The following AK5 variants were observed in gnomAD, a reference collection of about 807,000 sequenced individuals.
AK5 encodes the protein adenylate kinase 5.
AK5 carries 27 observed loss-of-function variants against 69.5 expected under a neutral mutation model. The observed-to-expected ratio is 0.39, with a 90% confidence interval of 0.29 to 0.54. The LOEUF is 0.54. Among genes scored for constraint, AK5 ranks in the 20% least tolerant of loss-of-function variants. The pLI, the probability that AK5 is intolerant of heterozygous loss-of-function variation, is 0.71. For missense variants in AK5, 531 were observed against 700.4 expected (o/e 0.76, Z 2.73); for synonymous variants, 260 against 244.4 (o/e 1.06, Z -0.60).
At chr1:77,362,044 G>A (rs1197409708) in intron 6 of AK5, among the ~76,000 whole-genome samples, 1 of 152,144 alleles carries the variant, frequency 6.6e-6, no homozygotes, top group Non-Finnish European at 1.5e-5. Context: ...CCATCTCATA[G>A]AGTTGTTGAG....
intron 3 of AK5, among the ~76,000 whole-genome samples, chr1:77,296,646 C>A (rs1021863617): frequency 3.3e-5 from 5 of 152,052 alleles, no homozygotes; most frequent in Non-Finnish European, 7.4e-5. Context: ...AGGAATAAAT[C>A]AGTTTGAATT....
At chr1:77,320,604 C>T (rs1383722996) in intron 5 of AK5, among the ~76,000 whole-genome samples, 3 of 151,876 alleles carry the variant, frequency 2.0e-5, no homozygotes, top group Non-Finnish European at 4.4e-5. Flanking sequence ...CAAAAATTAG[C>T]CAGGTATGGT....
intron 1 of AK5, 68 bp downstream of exon 1, chr1:77,282,441 AGCCGC>A: frequency 6.7e-7 from 1 of 1,503,616 alleles, no homozygotes; most frequent in Non-Finnish European, 8.9e-7. Flanking sequence ...GGGTTGAGGC[AGCCGC>A]GCCCCGTCCC....
intron 5 of AK5, among the ~76,000 whole-genome samples, chr1:77,308,670 G>A (rs1431689617): frequency 6.6e-6 from 1 of 152,030 alleles, no homozygotes; most frequent in East Asian, 1.9e-4. Flanking sequence ...ATGGGAGTGG[G>A]GCGAAAAGGT....
At chr1:77,509,796 T>C (rs910543876) in intron 10 of AK5, among the ~76,000 whole-genome samples, 3 of 152,202 alleles carry the variant, frequency 2.0e-5, no homozygotes, top group African/African-American at 7.2e-5. Context: ...TGTAAGCTCA[T>C]GGAATTTTAC....
At chr1:77,506,391 G>A (rs1185101652) in intron 10 of AK5, among the ~76,000 whole-genome samples, 5 of 152,114 alleles carry the variant, frequency 3.3e-5, no homozygotes, top group African/African-American at 9.7e-5. Flanking sequence ...GTTCAGAGAT[G>A]GGGGTAGGGT....
intron 10 of AK5, among the ~76,000 whole-genome samples, chr1:77,493,309 C>T (rs993179037): frequency 2.0e-5 from 3 of 149,632 alleles, no homozygotes; most frequent in African/African-American, 7.4e-5. Context: ...CCATTTTCTC[C>T]TGCCCTTGGA....
At position 77,320,340 on chromosome 1, in the gene AK5, A is replaced by G. The variant is rs377575112; in HGVS notation, c.700-20037A>G. Reference sequence around the variant, plus strand: ...AAACCGTATTGGAAGGATTTCTACCATAACGGAAAGATTAAAATGGGATTT... The same window carrying G: ...AAACCGTATTGGAAGGATTTCTACCGTAACGGAAAGATTAAAATGGGATTT... On this transcript the variant is annotated intron_variant, in intron 5 of 13. Coordinates refer to ENST00000354567, the MANE Select transcript of AK5 (RefSeq NM_174858.3). 4.6e-5 allele frequency among the ~76,000 whole-genome samples: 7 copies of G among 152,234 alleles called. No individual in the cohort carries two copies. In the East Asian group the frequency reaches 9.6e-4, roughly 21 times the overall value.
intron 6 of AK5, among the ~76,000 whole-genome samples, chr1:77,357,610 T>G (rs1451724705): frequency 6.6e-6 from 1 of 152,206 alleles, no homozygotes; most frequent in Non-Finnish European, 1.5e-5. Context: ...TGATCAATTC[T>G]CTTCTACTGC....
chr1:77,340,750 A>T (rs75763738), intron 6 of AK5, 182 bp downstream of exon 6: 4 of 20,010 alleles, frequency 2.0e-4, no homozygotes, highest in African/African-American at 3.0e-4. Flanking sequence ...ATGTTTTTTT[A>T]AAAAAACTTT....
intron 5 of AK5, 84 bp downstream of exon 5, chr1:77,298,031 T>C: frequency 2.1e-6 from 2 of 936,808 alleles, no homozygotes; most frequent in Non-Finnish European, 1.6e-6. Context: ...CTTGGAAGAC[T>C]TGCGATGCTT....
intron 8 of AK5, among the ~76,000 whole-genome samples, chr1:77,469,487 C>T (rs2100691765): frequency 6.6e-6 from 1 of 152,348 alleles, no homozygotes; most frequent in East Asian, 1.9e-4. Flanking sequence ...AGCCTGCCCA[C>T]CTGCCTTATG....
Position 77,289,190 on chromosome 1 carries a change from G to A in AK5, c.247+2063G>A, listed in dbSNP as rs971853332. On this transcript the variant is annotated intron_variant, in intron 2 of 13. Transcript: ENST00000354567. ...CACGAGTAGCAAATGAGCAGAATTG[G>A]AGTTTAGGACTCCAAACTGTGCAGA... Among the ~76,000 whole-genome samples, 9 of 152,156 alleles carry A rather than the reference G, an allele frequency of 5.9e-5. No homozygotes were observed. In the South Asian group the frequency reaches 1.9e-3, roughly 32 times the overall value.
chr1:77,391,519 A>ATATATATATATATATG (rs1648481862), intron 6 of AK5, among the ~76,000 whole-genome samples: 2 of 126,680 alleles, frequency 1.6e-5, no homozygotes, highest in African/African-American at 5.9e-5. Flanking sequence ...ATATATATAT[A>ATATATATATATATATG]TATATATATC....
At chr1:77,544,475 C>T (rs1455407472) in intron 13 of AK5, among the ~76,000 whole-genome samples, 2 of 151,934 alleles carry the variant, frequency 1.3e-5, no homozygotes, top group Admixed American at 6.6e-5. Flanking sequence ...ATTGTACAGA[C>T]GTACATAAAT....
intron 13 of AK5, among the ~76,000 whole-genome samples, chr1:77,539,870 G>C (rs1659176544): frequency 6.6e-6 from 1 of 152,138 alleles, no homozygotes; most frequent in Admixed American, 6.5e-5. Context: ...AGGACCTCTG[G>C]GTCACTTAAG....
rs141488367 is a variant in AK5 at position 77,552,869 on chromosome 1, C to T, written c.1621-5733C>T. Among the ~76,000 whole-genome samples the T allele has an allele frequency of 1.5e-3, 227 of 152,276 alleles. 1 individual carries two copies. Among genetic ancestry groups the T allele is most frequent in the African/African-American group, 5.1e-3 (212 of 41,550 alleles). On this transcript the variant is annotated intron_variant, in intron 13 of 13. Coordinates refer to ENST00000354567, the MANE Select transcript of AK5 (RefSeq NM_174858.3). The stretch of plus-strand genomic sequence containing the variant: ...CCTGGGCAACATAGCAAGACCCCAT[C>T]TCTACAAAAACATACAAAAAATTAG...
At chr1:77,459,188 T>C (rs1199394395) in intron 8 of AK5, among the ~76,000 whole-genome samples, 1 of 152,212 alleles carries the variant, frequency 6.6e-6, no homozygotes, top group African/African-American at 2.4e-5. Flanking sequence ...ATCTTATTTT[T>C]AAATAGATCT....
At chr1:77,502,634 G>T (rs530679133) in intron 10 of AK5, among the ~76,000 whole-genome samples, 92 of 152,224 alleles carry the variant, frequency 6.0e-4, no homozygotes, top group Admixed American at 5.4e-3. Context: ...AAAAAGTTTT[G>T]ATTTTTAATC....
Sources: allele counts gnomAD v4.1 joint callset (sites outside exome capture counted in the v4.1 genomes callset), GRCh38; gene constraint gnomAD v4.1.1; transcripts MANE v1.5; gene names NCBI Gene and HGNC (gene_info 2026-07-23, HGNC 2026-07-21).